Variants in RAB20 observed in about 807,000 individuals in gnomAD.
The protein encoded by RAB20 is ras-related protein Rab-20.
Under a neutral mutation model 3.7 loss-of-function variants are expected in RAB20, and 2 were observed. The ratio of observed to expected loss-of-function variants is 0.54; its 90% confidence interval spans 0.22 to 1.69. The LOEUF (loss-of-function observed/expected upper bound fraction) is 1.69, where lower values mean the gene tolerates loss of function less well. Ranked by LOEUF, RAB20 falls within the 40% of genes most tolerant of loss-of-function variation. The pLI is 0.19. For synonymous variants in RAB20, 126 were observed against 130.8 expected (o/e 0.96, Z 0.25); for missense variants, 276 against 311.9 (o/e 0.88, Z 0.87).
At chr13:110,536,135 G>A (rs564484547) in intron 1 of RAB20, among the ~76,000 whole-genome samples, 102 of 152,368 alleles carry the variant, frequency 6.7e-4, no homozygotes, top group African/African-American at 2.3e-3. Flanking sequence ...TGGGGAAACA[G>A]AGGCAGAGAT....
At chr13:110,525,949 C>T (rs370422892) in intron 1 of RAB20, among the ~76,000 whole-genome samples, 2 of 152,232 alleles carry the variant, frequency 1.3e-5, no homozygotes, top group Admixed American at 6.5e-5. Flanking sequence ...CACCAACAAG[C>T]AAACCCCAAG....
chr13:110,545,467 C>T (rs1447501748), intron 1 of RAB20, among the ~76,000 whole-genome samples: 1 of 152,184 alleles, frequency 6.6e-6, no homozygotes, highest in Non-Finnish European at 1.5e-5. Context: ...TCGGTCTCCC[C>T]AACTGGACTG....
At position 110,538,623 on chromosome 13, in the gene RAB20, GAA is replaced by G. The variant is rs3074492; in HGVS notation, c.173-14428_173-14427del. ...AAAAAAAAAAAAAAAAAAAAAGAAA[GAA>G]AAGAAAAGAAAAGAAAAAGAAATAA... On this transcript the variant is annotated intron_variant, in intron 1 of 1. Transcript: ENST00000267328. 3.8e-4 allele frequency among the ~76,000 whole-genome samples: 24 copies of G among 62,630 alleles called. 1 individual carries two copies. The highest frequency in any genetic ancestry group is 5.6e-4 in the Non-Finnish European group (19 of 33,886). 41.1% of individuals were successfully genotyped at this position (62,630 alleles called of 152,430 possible). A position where few individuals can be genotyped will look rare whatever the true frequency, so the allele number is the denominator to read the frequency against.
rs570897208 is a variant in RAB20 at position 110,529,846 on chromosome 13, G to A, written c.173-5649C>T. On this transcript the variant is annotated intron_variant, in intron 1 of 1. Transcript: ENST00000267328. ...GACCGGAGCCTGGGGCTCTAGGTTCGACTTGTCCAGGAATTATTACTCGTC... is the reference window on the plus strand; with the variant it reads ...GACCGGAGCCTGGGGCTCTAGGTTCAACTTGTCCAGGAATTATTACTCGTC... Among the ~76,000 whole-genome samples the A allele has an allele frequency of 3.3e-5, 5 of 152,248 alleles. No homozygotes were observed. In the East Asian group the frequency reaches 5.8e-4, roughly 18 times the overall value.
chr13:110,555,130 G>C lies in RAB20; in HGVS notation c.172+6218C>G, dbSNP rs1355988679. 6.6e-6 allele frequency among the ~76,000 whole-genome samples: 1 copy of C among 152,196 alleles called. No individual in the cohort carries two copies. The highest frequency in any genetic ancestry group is 1.5e-5 in the Non-Finnish European group (1 of 68,048). Reference sequence around the variant, plus strand: ...AGCCCGGGAGTATGGAGCCTGCACAGAGCCTGGCACGTGGCAGGGACCCAC... The same window carrying C: ...AGCCCGGGAGTATGGAGCCTGCACACAGCCTGGCACGTGGCAGGGACCCAC... On this transcript the variant is annotated intron_variant, in intron 1 of 1. Transcript: ENST00000267328. This position sits in a 1 kb window ranked among gnomAD's most constrained non-coding sequence, Gnocchi z 4.0.
chr13:110,551,438 G>A (rs1340820246), intron 1 of RAB20, among the ~76,000 whole-genome samples: 1 of 152,240 alleles, frequency 6.6e-6, no homozygotes, highest in Non-Finnish European at 1.5e-5. Context: ...TCAAGTGCCA[G>A]CAGGCAGATA....
At chr13:110,546,698 C>T (rs1884854398) in intron 1 of RAB20, among the ~76,000 whole-genome samples, 2 of 110,480 alleles carry the variant, frequency 1.8e-5, no homozygotes, top group African/African-American at 2.8e-5. Context: ...AGCTGAACTT[C>T]TGTTTTTTTT....
chr13:110,546,780 C>T (rs1884859284), intron 1 of RAB20, among the ~76,000 whole-genome samples: 1 of 151,636 alleles, frequency 6.6e-6, no homozygotes, highest in African/African-American at 2.4e-5. Context: ...CTCTGTTGCC[C>T]AGGCTGGAGT....
At chr13:110,546,700 GT>G (rs67435229) in intron 1 of RAB20, among the ~76,000 whole-genome samples, 1 of 145,678 alleles carries the variant, frequency 6.9e-6, no homozygotes. Context: ...CTGAACTTCT[GT>G]TTTTTTTTGT....
intron 1 of RAB20, among the ~76,000 whole-genome samples, chr13:110,557,831 T>A (rs2025656): frequency 6.6e-6 from 1 of 152,200 alleles, no homozygotes; most frequent in South Asian, 2.1e-4. Context: ...CCACGGCCTT[T>A]AGAAGGGAAG....
chr13:110,555,207 C>G lies in RAB20; in HGVS notation c.172+6141G>C, dbSNP rs78566711. On this transcript the variant is annotated intron_variant, in intron 1 of 1. Coordinates refer to ENST00000267328, the MANE Select transcript of RAB20 (RefSeq NM_017817.3). This position sits in a 1 kb window ranked among gnomAD's most constrained non-coding sequence, Gnocchi z 4.0. Reference sequence around the variant, plus strand: ...GGAAGCACGAGTTTCGGAGGCAGCCCGTCCTGTTACACACAGGCCACACCT... The same window carrying G: ...GGAAGCACGAGTTTCGGAGGCAGCCGGTCCTGTTACACACAGGCCACACCT... Among the ~76,000 whole-genome samples, 1 of 152,164 alleles carries G rather than the reference C, an allele frequency of 6.6e-6. No homozygotes were observed.
intron 1 of RAB20, among the ~76,000 whole-genome samples, chr13:110,534,498 G>T (rs1884605619): frequency 6.6e-6 from 1 of 152,220 alleles, no homozygotes; most frequent in East Asian, 1.9e-4. Context: ...CCCGACCCCT[G>T]CCTTGCCCCT....
intron 1 of RAB20, among the ~76,000 whole-genome samples, chr13:110,553,259 G>A (rs1376257817): frequency 2.0e-5 from 3 of 152,166 alleles, no homozygotes; most frequent in Admixed American, 1.3e-4. Flanking sequence ...TGTTCAGTAG[G>A]AGCTGGTGTT....
Position 110,561,564 on chromosome 13 carries a change from C to A in RAB20, c.-45G>T, listed in dbSNP as rs766075242. The A allele has an allele frequency of 6.0e-6, 9 of 1,505,568 alleles. No individual in the cohort carries two copies. In the Admixed American group the frequency reaches 1.1e-4, roughly 19 times the overall value. 93.3% of individuals were successfully genotyped at this position (1,505,568 alleles called of 1,614,324 possible). On this transcript the variant is annotated 5_prime_UTR_variant, in exon 1 of 2. Transcript: ENST00000267328. Reference sequence around the variant, plus strand: ...GCGCCCCCGCGCCCTCTCCCCGAGGCTGGCCGGCTCGTGCGCCCTGGGCGC... The same window carrying A: ...GCGCCCCCGCGCCCTCTCCCCGAGGATGGCCGGCTCGTGCGCCCTGGGCGC...
intron 1 of RAB20, among the ~76,000 whole-genome samples, chr13:110,526,134 G>A (rs930415909): frequency 2.6e-5 from 4 of 152,224 alleles, no homozygotes; most frequent in Non-Finnish European, 4.4e-5. Context: ...CCTCCCTGGG[G>A]CATGTGTGGC....
At chr13:110,551,788 C>T (rs1427849917) in intron 1 of RAB20, among the ~76,000 whole-genome samples, 1 of 151,784 alleles carries the variant, frequency 6.6e-6, no homozygotes, top group Non-Finnish European at 1.5e-5. Flanking sequence ...GATCTGGCAT[C>T]ATAAATTTTC....
rs151144047 is a variant in RAB20, at chr13:110,556,572, T to G, written c.172+4776A>C. On this transcript the variant is annotated intron_variant, in intron 1 of 1. Transcript: ENST00000267328. ...CATTTGAGACAGGGTCTTACTCTGT[T>G]GCCCAGGCTGGAGTGCAGTGGTATG... Among the ~76,000 whole-genome samples the G allele has an allele frequency of 8.0e-3, 1,224 of 152,344 alleles. 9 individuals carry two copies. Among genetic ancestry groups the G allele is most frequent in the Middle Eastern group, 0.031 (9 of 294 alleles).
intron 1 of RAB20, among the ~76,000 whole-genome samples, chr13:110,535,310 G>A (rs80065874): frequency 0.025 from 3,864 of 152,294 alleles, 87 homozygotes; most frequent in African/African-American, 0.049. Context: ...GCTCAGAGCC[G>A]GAGACCCCCA....
intron 1 of RAB20, among the ~76,000 whole-genome samples, chr13:110,536,967 C>T (rs186418867): frequency 9.2e-6 from 1 of 109,188 alleles, no homozygotes; most frequent in African/African-American, 4.1e-5. Flanking sequence ...ATGTGATGTT[C>T]CCCTTCCTGT....
Sources: gnomAD v4.1 joint callset for allele counts (sites outside exome capture counted in the v4.1 genomes callset) on GRCh38, gnomAD v4.1.1 for gene constraint, Gnocchi (gnomAD v3.1) non-coding constraint, MANE v1.5 for transcripts, NCBI Gene and HGNC (gene_info 2026-07-23, HGNC 2026-07-21) for gene names.